The following AMZ1 variants were observed in gnomAD, a reference collection of about 807,000 sequenced individuals.
AMZ1 encodes archaelysin family metallopeptidase 1.
AMZ1 carries 39 observed loss-of-function variants against 29.9 expected under a neutral mutation model. The ratio of observed to expected loss-of-function variants is 1.30; its 90% confidence interval spans 1.01 to 1.70. The LOEUF (loss-of-function observed/expected upper bound fraction) is 1.70, where lower values mean the gene tolerates loss of function less well. Ranked by LOEUF, AMZ1 falls within the 40% of genes most tolerant of loss-of-function variation. The pLI is 0.00. For missense variants in AMZ1, 1,041 were observed against 680.6 expected (o/e 1.53, Z -5.89); for synonymous variants, 458 against 304.0 (o/e 1.51, Z -5.27).
intron 1 of AMZ1, among the ~76,000 whole-genome samples, chr7:2,693,382 G>C (rs991231791): frequency 4.0e-5 from 6 of 151,696 alleles, no homozygotes; most frequent in African/African-American, 1.5e-4. Flanking sequence ...TGCCTGGTTG[G>C]TGGGATTGTT....
intron 6 of AMZ1, 25 bp from the exon 7 acceptor site, chr7:2,712,305 C>G (rs748986593): frequency 6.5e-7 from 1 of 1,533,294 alleles, no homozygotes; most frequent in Non-Finnish European, 8.8e-7. Context: ...ACGGAGCAAA[C>G]TCAGCCTGTG....
intron 1 of AMZ1, among the ~76,000 whole-genome samples, chr7:2,690,339 C>G (rs886794652): frequency 6.6e-6 from 1 of 152,208 alleles, no homozygotes; most frequent in Non-Finnish European, 1.5e-5. Context: ...CCATCTCAGC[C>G]TCCCTAGTAG....
intron 1 of AMZ1, among the ~76,000 whole-genome samples, chr7:2,692,399 G>A (rs918927213): frequency 1.2e-4 from 18 of 152,164 alleles, no homozygotes; most frequent in East Asian, 1.9e-4. Flanking sequence ...AAAATTAGCC[G>A]GGTGTGGTGG....
In AMZ1 at chr7:2,715,285, C is replaced by T. The variant is rs1057234389; in HGVS notation, c.*2407C>T. On this transcript the variant is annotated 3_prime_UTR_variant, in exon 7 of 7. Coordinates refer to ENST00000683327, the MANE Select transcript of AMZ1 (RefSeq NM_001384743.1). Reference sequence around the variant, plus strand: ...ACAACACAATATTGCTGTGGCCATTCATGAACAGTCAGTCAGCCCCACTCG... The same window carrying T: ...ACAACACAATATTGCTGTGGCCATTTATGAACAGTCAGTCAGCCCCACTCG... 2.0e-5 allele frequency: 3 copies of T among 152,358 alleles called. No individual in the cohort carries two copies. Among genetic ancestry groups the T allele is most frequent in the Admixed American group, 2.0e-4 (3 of 15,284 alleles). 9.4% of individuals were successfully genotyped at this position (152,358 alleles called of 1,614,324 possible). A position where few individuals can be genotyped will look rare whatever the true frequency, so the allele number is the denominator to read the frequency against.
intron 4 of AMZ1, among the ~76,000 whole-genome samples, chr7:2,757,079 C>CG (rs956089808): frequency 3.9e-5 from 5 of 127,428 alleles, no homozygotes; most frequent in Non-Finnish European, 1.7e-5. Flanking sequence ...TGTCCCAAGG[C>CG]GGGGGAAAAA....
At chr7:2,733,360 G>A (rs1789996565) in intron 4 of AMZ1, 8 of 1,038,484 alleles carry the variant, frequency 7.7e-6, no homozygotes, top group Non-Finnish European at 1.2e-5. Flanking sequence ...TGTCAGTCCA[G>A]CCAAAGTCCT....
At chr7:2,763,063 C>T (rs939918484), upstream of AMZ1, 3 of 1,246,284 alleles carry the variant, frequency 2.4e-6, no homozygotes, top group Non-Finnish European at 3.0e-6. Flanking sequence ...GGACGCAGAC[C>T]GGGGCTCCCT....
chr7:2,685,263 GA>G (rs1562352545), upstream of AMZ1, among the ~76,000 whole-genome samples: 1 of 151,416 alleles, frequency 6.6e-6, no homozygotes, highest in East Asian at 2.0e-4. Context: ...GCAGCTTTAG[GA>G]CAGAACATTC....
chr7:2,758,814 G>T (rs1024826649), intron 4 of AMZ1, among the ~76,000 whole-genome samples: 2 of 152,222 alleles, frequency 1.3e-5, no homozygotes, highest in African/African-American at 4.8e-5. Context: ...CACCACAGAA[G>T]AATGGATATG....
Position 2,715,791 on chromosome 7 carries a change from G to A in AMZ1, c.*2913G>A, listed in dbSNP as rs558872713. The stretch of plus-strand genomic sequence containing the variant: ...GGAAAGACGCAAGGCAGAGGAGAGA[G>A]AATGAGGGCTGCCTTCTCGAGGAAG... On this transcript the variant is annotated 3_prime_UTR_variant, in exon 7 of 7. Coordinates refer to ENST00000683327, the MANE Select transcript of AMZ1 (RefSeq NM_001384743.1). The A allele has an allele frequency of 2.0e-5, 3 of 152,346 alleles. No individual in the cohort carries two copies. The East Asian group carries it at 5.8e-4, about 29-fold the overall frequency. 9.4% of individuals were successfully genotyped at this position (152,346 alleles called of 1,614,324 possible). A position where few individuals can be genotyped will look rare whatever the true frequency, so the allele number is the denominator to read the frequency against.
rs982348318 is a variant in AMZ1, at chr7:2,712,694, A to G, written c.1313A>G (p.Asp438Gly). 6.2e-6 allele frequency: 10 copies of G among 1,612,052 alleles called. No homozygotes were observed. The highest frequency in any genetic ancestry group is 8.5e-6 in the Non-Finnish European group (10 of 1,179,568). ...GTGGACAGAGCCGTGGACGCCCTCG[A>G]CCGCTGGGAGATGTTCACGGGCCAG... ...VQVDRAVDALDRWEMFTGQLP... is the reference protein window; with the variant it reads ...VQVDRAVDALGRWEMFTGQLP... The change falls in exon 7 of 7, where the codon GAC becomes GGC. Residue 438 changes from aspartate to glycine, a missense_variant. By Grantham distance (94) the Asp-to-Gly change is moderately conservative (BLOSUM62 -1). Transcript: ENST00000683327.
At position 2,709,794 on chromosome 7, in the gene AMZ1, T is replaced by G; in HGVS notation, c.926T>G (p.Phe309Cys). Residue 309 changes from phenylalanine (F) to cysteine (C), a missense_variant, in exon 6 of 7, where the codon TTC (phenylalanine) becomes TGC (cysteine). Phe to Cys is a radical substitution (Grantham distance 205). Transcript: ENST00000683327. ...CLRKLQHVLG[F>C]RLIERYQRLY... ...AGGAAGCTGCAGCATGTCCTGGGTT[T>G]CAGGCTCATCGAGAGGTACCAGGTG... The G allele has an allele frequency of 6.2e-7, 1 of 1,612,074 alleles. No homozygotes were observed. Among genetic ancestry groups the G allele is most frequent in the African/African-American group, 1.3e-5 (1 of 75,026 alleles).
At chr7:2,727,174 C>T (rs557942497) in intron 4 of AMZ1, among the ~76,000 whole-genome samples, 15 of 152,206 alleles carry the variant, frequency 9.9e-5, no homozygotes, top group Admixed American at 2.0e-4. Flanking sequence ...CTCTGCCTAC[C>T]GGGTTCAAGC....
chr7:2,689,142 C>T (rs527538666), intron 1 of AMZ1, among the ~76,000 whole-genome samples: 9 of 152,348 alleles, frequency 5.9e-5, no homozygotes, highest in Middle Eastern at 3.4e-3. Flanking sequence ...TGAAGGTCTC[C>T]GCTGTCAGCT....
chr7:2,696,500 G>A lies in AMZ1; in HGVS notation c.-218-3734G>A, dbSNP rs762142177. ...TCTCGATCTCCTGACCTCGTGATCT[G>A]CCCGCCTGGGCCTCCCAAAGTGCTG... On this transcript the variant is annotated intron_variant, in intron 1 of 6. Coordinates refer to ENST00000683327, the MANE Select transcript of AMZ1 (RefSeq NM_001384743.1). Among the ~76,000 whole-genome samples, 144 of 150,640 alleles carry A rather than the reference G, an allele frequency of 9.6e-4. 1 individual carries two copies. In the Middle Eastern group the frequency reaches 0.01, roughly 11 times the overall value.
In AMZ1 at chr7:2,709,070, T is replaced by C; in HGVS notation, c.602-5T>C. 1 of 1,579,680 alleles carries C rather than the reference T, an allele frequency of 6.3e-7. No homozygotes were observed. The highest frequency in any genetic ancestry group is 8.6e-7 in the Non-Finnish European group (1 of 1,164,098). ...GAGAGTGCCCTTCTCTCCATCTCTC[T>C]CCAGAAGTGGGCGTCTGCAGCTTCG... On this transcript the variant is annotated splice_polypyrimidine_tract_variant and splice_region_variant and intron_variant, in intron 4 of 6. Coordinates refer to ENST00000683327, the MANE Select transcript of AMZ1 (RefSeq NM_001384743.1).
chr7:2,692,902 G>A (rs140907279), intron 1 of AMZ1, among the ~76,000 whole-genome samples: 78 of 152,018 alleles, frequency 5.1e-4, no homozygotes, highest in African/African-American at 1.7e-3. Context: ...GGCCTCCTCC[G>A]GCTGTCCCCT....
chr7:2,712,656 G>T lies in AMZ1; in HGVS notation c.1275G>T (p.Glu425Asp), dbSNP rs1788868799. 3.1e-6 allele frequency: 5 copies of T among 1,612,986 alleles called. No individual in the cohort carries two copies. Among genetic ancestry groups the T allele is most frequent in the Admixed American group, 1.7e-5 (1 of 59,970 alleles). ...CCCTGCAGCGGGAAGTGGCAGAGGA[G>T]GACCTGGTGCAGGTGGACAGAGCCG... ...IQALQREVAEEDLVQVDRAVD... is the reference protein window; with the variant it reads ...IQALQREVAEDDLVQVDRAVD... The change falls in exon 7 of 7, where the codon GAG (glutamate) becomes GAT (aspartate). Residue 425 changes from glutamate (E) to aspartate (D), a missense_variant. Physicochemically the swap from Glu to Asp is conservative, Grantham distance 45. Transcript: ENST00000683327.
At chr7:2,698,235 C>CAA (rs1409765141) in intron 1 of AMZ1, among the ~76,000 whole-genome samples, 1 of 151,896 alleles carries the variant, frequency 6.6e-6, no homozygotes, top group South Asian at 2.1e-4. Flanking sequence ...AAAAACAAAA[C>CAA]AAAAAACAAG....
Sources: allele counts gnomAD v4.1 joint callset (sites outside exome capture counted in the v4.1 genomes callset), GRCh38; gene constraint gnomAD v4.1.1; transcripts MANE v1.5; gene names NCBI Gene and HGNC (gene_info 2026-07-23, HGNC 2026-07-21).